Variants in SLC4A4 observed in about 807,000 individuals in gnomAD.
SLC4A4 encodes electrogenic sodium bicarbonate cotransporter 1.
A neutral mutation model predicts 111.5 loss-of-function variants in SLC4A4; 27 were observed. The observed-to-expected ratio is 0.24, with a 90% CI of 0.18 to 0.33. SLC4A4 has a LOEUF of 0.33. Ranked by LOEUF, SLC4A4 falls within the 10% of genes least tolerant of loss-of-function variation. The pLI, the probability that SLC4A4 is intolerant of heterozygous loss-of-function variation, is 1.00. For missense variants in SLC4A4, 909 were observed against 1,315.5 expected, an observed-to-expected ratio of 0.69 and a Z score of 4.78; for synonymous variants, 443 against 463.4, an observed-to-expected ratio of 0.96 and a Z score of 0.57.
rs1744973701 is a variant in SLC4A4 at position 71,172,506 on chromosome 4, A to G, written c.-1-64070A>G. 2.0e-5 allele frequency among the ~76,000 whole-genome samples: 3 copies of G among 152,266 alleles called. No individual in the cohort carries two copies. The South Asian group carries it at 6.2e-4, about 32-fold the overall frequency. ...CTTGACCTTGTGATCTGCCCGCCTC[A>G]GCCTCTCAAAGTGCTGGGATTACAG... On this transcript the variant is annotated intron_variant, in intron 2 of 26. Transcript: ENST00000649996.
At chr4:71,348,394 C>T (rs1454992464) in intron 4 of SLC4A4, among the ~76,000 whole-genome samples, 1 of 151,512 alleles carries the variant, frequency 6.6e-6, no homozygotes, top group Non-Finnish European at 1.5e-5. Flanking sequence ...GTCACAGCTA[C>T]TTTTGTAGAA....
intron 2 of SLC4A4, among the ~76,000 whole-genome samples, chr4:71,106,819 T>G (rs1742939045): frequency 6.9e-6 from 1 of 145,238 alleles, no homozygotes; most frequent in Non-Finnish European, 1.5e-5. Context: ...ATATACCTAA[T>G]GCTAGATGAC....
chr4:71,564,152 A>G (rs1737254311), intron 24 of SLC4A4, among the ~76,000 whole-genome samples: 1 of 151,802 alleles, frequency 6.6e-6, no homozygotes, highest in Non-Finnish European at 1.5e-5. Flanking sequence ...TGGCTAAATT[A>G]ATAACCATGT....
chr4:71,076,185 G>A (rs1209265695), intron 1 of SLC4A4, among the ~76,000 whole-genome samples: 2 of 152,162 alleles, frequency 1.3e-5, no homozygotes, highest in South Asian at 4.2e-4. Context: ...TGCTTAGAAT[G>A]TGTTCTTAGT....
At chr4:71,194,042 C>T (rs2080834713) in intron 1 of SLC4A4, among the ~76,000 whole-genome samples, 1 of 152,162 alleles carries the variant, frequency 6.6e-6, no homozygotes, top group Non-Finnish European at 1.5e-5. Context: ...AACTTGTCCT[C>T]AATGCTTTAC....
intron 2 of SLC4A4, among the ~76,000 whole-genome samples, chr4:71,240,918 G>C (rs1462776915): frequency 6.6e-6 from 1 of 151,556 alleles, no homozygotes; most frequent in Non-Finnish European, 1.5e-5. Flanking sequence ...AGGAATTCAA[G>C]AACATCCCAG....
chr4:71,459,979 C>T lies in SLC4A4; in HGVS notation c.1497+6310C>T, dbSNP rs181401162. 4.6e-5 allele frequency among the ~76,000 whole-genome samples: 7 copies of T among 151,988 alleles called. No individual in the cohort carries two copies. The East Asian group carries it at 1.2e-3, about 25-fold the overall frequency. Reference sequence around the variant, plus strand: ...TGTCTATACTTCTTTATACTTGTATCATTGGTATATTTTCCTTTTGGGGCA... The same window carrying T: ...TGTCTATACTTCTTTATACTTGTATTATTGGTATATTTTCCTTTTGGGGCA... On this transcript the variant is annotated intron_variant, in intron 12 of 25. Coordinates refer to ENST00000264485, the MANE Select transcript of SLC4A4 (RefSeq NM_001098484.3).
intron 16 of SLC4A4, among the ~76,000 whole-genome samples, chr4:71,514,699 A>G (rs941515112): frequency 1.3e-5 from 2 of 152,046 alleles, no homozygotes; most frequent in African/African-American, 4.8e-5. Flanking sequence ...GAGATTTTCT[A>G]TTTCTTACTG....
chr4:71,339,289 G>A lies in SLC4A4; in HGVS notation c.254-81G>A, dbSNP rs775702694. ...GTGGAAGGGAAGCCCAGTAACCTTG[G>A]GGAGAGAGGAAGAGCCCGGAGCTCC... On this transcript the variant is annotated intron_variant, in intron 3 of 25. Transcript: ENST00000264485. 8.7e-6 allele frequency: 14 copies of A among 1,614,044 alleles called. No individual in the cohort carries two copies. In the East Asian group the frequency reaches 1.1e-4, roughly 13 times the overall value.
At chr4:71,397,528 G>T (rs1466235621) in intron 6 of SLC4A4, 49 bp from the exon 7 acceptor site, 8 of 1,461,154 alleles carry the variant, frequency 5.5e-6, no homozygotes, top group African/African-American at 1.4e-5. Flanking sequence ...CAAAGTCTTT[G>T]TGTTATTGAA....
chr4:71,555,005 C>A, intron 20 of SLC4A4, 135 bp from the exon 21 acceptor site: 2 of 703,036 alleles, frequency 2.8e-6, no homozygotes, highest in Non-Finnish European at 5.2e-6. Context: ...ACTAGTAAAG[C>A]ATACTAGTTA....
intron 12 of SLC4A4, among the ~76,000 whole-genome samples, chr4:71,454,098 G>T (rs550132779): frequency 2.0e-5 from 3 of 151,944 alleles, no homozygotes; most frequent in Admixed American, 6.6e-5. Flanking sequence ...ACCATTGAGC[G>T]ATTTGCTCAA....
intron 2 of SLC4A4, among the ~76,000 whole-genome samples, chr4:71,124,590 A>G (rs1461370933): frequency 6.6e-6 from 1 of 152,138 alleles, no homozygotes; most frequent in Non-Finnish European, 1.5e-5. Context: ...ATTCATTCAC[A>G]TCACCTCTTT....
At chr4:71,107,005 A>G (rs957994097) in intron 2 of SLC4A4, among the ~76,000 whole-genome samples, 2 of 151,872 alleles carry the variant, frequency 1.3e-5, no homozygotes, top group African/African-American at 4.8e-5. Context: ...AAAAAAATAA[A>G]GTCTATCTGT....
At chr4:71,487,580 G>A (rs1729532333) in intron 15 of SLC4A4, among the ~76,000 whole-genome samples, 5 of 151,518 alleles carry the variant, frequency 3.3e-5, no homozygotes, top group Admixed American at 3.3e-4. Context: ...GTCACACACT[G>A]GAAGGAGGCT....
At chr4:71,181,193 C>T (rs1376109072) in intron 2 of SLC4A4, among the ~76,000 whole-genome samples, 1 of 125,558 alleles carries the variant, frequency 8.0e-6, no homozygotes, top group African/African-American at 3.2e-5. Flanking sequence ...GGAAGGGGAA[C>T]ATCACACACC....
intron 2 of SLC4A4, among the ~76,000 whole-genome samples, chr4:71,164,636 G>A (rs1578541248): frequency 6.6e-6 from 1 of 152,184 alleles, no homozygotes; most frequent in East Asian, 1.9e-4. Flanking sequence ...TCAGGACATA[G>A]GCATGGGCAA....
At chr4:71,346,639 G>A (rs1048605227) in intron 4 of SLC4A4, among the ~76,000 whole-genome samples, 1 of 151,974 alleles carries the variant, frequency 6.6e-6, no homozygotes, top group African/African-American at 2.4e-5. Context: ...AATGGGCTCT[G>A]ATTTGAACTG....
intron 2 of SLC4A4, among the ~76,000 whole-genome samples, chr4:71,142,897 C>T (rs1347493106): frequency 1.3e-5 from 2 of 150,700 alleles, no homozygotes; most frequent in Admixed American, 6.7e-5. Context: ...TTCCAAAGAA[C>T]TATTTGGCAC....
Sources: gnomAD v4.1 joint callset for allele counts (sites outside exome capture counted in the v4.1 genomes callset) on GRCh38, gnomAD v4.1.1 for gene constraint, MANE v1.5 for transcripts, NCBI Gene and HGNC (gene_info 2026-07-23, HGNC 2026-07-21) for gene names.